AGBL4: variants seen among roughly 807,000 people sequenced by gnomAD.
AGBL4 encodes cytosolic carboxypeptidase 6.
AGBL4 carries 58 observed loss-of-function variants against 66.4 expected under a neutral mutation model. The ratio of observed to expected loss-of-function variants is 0.87; its 90% CI spans 0.71 to 1.09. The LOEUF (loss-of-function observed/expected upper bound fraction) is 1.09. Among genes scored for constraint, AGBL4 ranks in the 50% least tolerant of loss-of-function variants. The pLI, the probability that AGBL4 is intolerant of heterozygous loss-of-function variation, is 0.00. For missense variants in AGBL4, 579 were observed against 631.0 expected (o/e 0.92, Z 0.88); for synonymous variants, 234 against 222.9 (o/e 1.05, Z -0.44).
At chr1:49,210,487 A>G (rs1025950598) in intron 4 of AGBL4, among the ~76,000 whole-genome samples, 1 of 152,096 alleles carries the variant, frequency 6.6e-6, no homozygotes, top group African/African-American at 2.4e-5. Context: ...TAGCAGCACA[A>G]TATGAACACT....
At chr1:49,817,953 G>A (rs1433927185) in intron 2 of AGBL4, among the ~76,000 whole-genome samples, 1 of 152,124 alleles carries the variant, frequency 6.6e-6, no homozygotes, top group African/African-American at 2.4e-5. Flanking sequence ...TTGTGCATGT[G>A]CCATTCATTA....
chr1:49,434,647 A>C (rs1189663091), intron 3 of AGBL4, among the ~76,000 whole-genome samples: 12 of 151,122 alleles, frequency 7.9e-5, no homozygotes. Flanking sequence ...GCAAATTGCT[A>C]TCTGTTCTTG....
intron 1 of AGBL4, among the ~76,000 whole-genome samples, chr1:49,939,781 A>G: frequency 6.6e-6 from 1 of 152,248 alleles, no homozygotes; most frequent in East Asian, 1.9e-4. Flanking sequence ...CATTCAGGAC[A>G]TAGGCATGGG....
chr1:49,358,807 T>G (rs1489089655), intron 3 of AGBL4, among the ~76,000 whole-genome samples: 2 of 152,154 alleles, frequency 1.3e-5, no homozygotes, highest in African/African-American at 4.8e-5. Context: ...AATAGAGCTC[T>G]TAAAAATGAA....
intron 3 of AGBL4, among the ~76,000 whole-genome samples, chr1:49,285,317 A>T (rs1046239230): frequency 6.6e-6 from 1 of 152,186 alleles, no homozygotes; most frequent in Admixed American, 6.5e-5. Context: ...GTTCTTTGAA[A>T]CCAACGAGAA....
At chr1:48,728,391 G>A (rs1397651067) in intron 6 of AGBL4, among the ~76,000 whole-genome samples, 4 of 148,908 alleles carry the variant, frequency 2.7e-5, no homozygotes, top group African/African-American at 7.4e-5. Flanking sequence ...TTTTCTTTTA[G>A]TGTTAACACA....
At chr1:49,184,283 A>G (rs1646978028) in intron 4 of AGBL4, among the ~76,000 whole-genome samples, 1 of 152,150 alleles carries the variant, frequency 6.6e-6, no homozygotes. Context: ...CTCTAAATAC[A>G]GTGCTTCCCC....
chr1:49,340,793 T>C (rs1032114315), intron 3 of AGBL4, among the ~76,000 whole-genome samples: 3 of 152,230 alleles, frequency 2.0e-5, no homozygotes, highest in Non-Finnish European at 2.9e-5. Context: ...ATGTTTACAT[T>C]AATACCAAGT....
intron 4 of AGBL4, among the ~76,000 whole-genome samples, chr1:49,152,819 C>G (rs532470305): frequency 6.6e-6 from 1 of 152,164 alleles, no homozygotes; most frequent in Non-Finnish European, 1.5e-5. Flanking sequence ...AAATTTCACC[C>G]ACACAGGGTT....
Position 49,261,821 on chromosome 1 carries a change from T to C in AGBL4, c.283-15957A>G, listed in dbSNP as rs1370430857. Among the ~76,000 whole-genome samples the C allele has an allele frequency of 3.5e-3, 516 of 148,834 alleles. 1 individual carries two copies. The highest frequency in any genetic ancestry group is 0.011 in the African/African-American group (460 of 40,666). On this transcript the variant is annotated intron_variant, in intron 3 of 13. Transcript: ENST00000371839. ...TTGGAAAAAACTACTTTAAAGTTCA[T>C]ATGGAACCAAAAAAGAGCCCACATC...
chr1:49,888,481 T>C (rs968240691), intron 1 of AGBL4, among the ~76,000 whole-genome samples: 33 of 152,142 alleles, frequency 2.2e-4, no homozygotes, highest in African/African-American at 6.5e-4. Flanking sequence ...GAAAAAACCT[T>C]AGTGACAATA....
chr1:48,812,450 A>G (rs1646073424), intron 6 of AGBL4, among the ~76,000 whole-genome samples: 1 of 152,168 alleles, frequency 6.6e-6, no homozygotes, highest in South Asian at 2.1e-4. Flanking sequence ...TGGCCTAGAC[A>G]AACTCAGTAA....
chr1:48,578,621 T>C (rs960869003), intron 11 of AGBL4, among the ~76,000 whole-genome samples: 17 of 152,326 alleles, frequency 1.1e-4, no homozygotes, highest in Non-Finnish European at 2.2e-4. Context: ...AGAACAAATA[T>C]CTAGGCAGTA....
At chr1:48,784,213 G>A (rs897378066) in intron 6 of AGBL4, among the ~76,000 whole-genome samples, 1 of 152,192 alleles carries the variant, frequency 6.6e-6, no homozygotes, top group Non-Finnish European at 1.5e-5. Context: ...GCCTGACACT[G>A]TGGTGAGTTC....
intron 1 of AGBL4, among the ~76,000 whole-genome samples, chr1:49,968,965 A>G (rs563610079): frequency 7.2e-5 from 11 of 152,366 alleles, no homozygotes; most frequent in African/African-American, 2.6e-4. Flanking sequence ...GTTTTCTGCC[A>G]TATACAGCCA....
At chr1:48,981,259 C>CTCTGATTTCTTCTTATCTATT (rs1659742238) in intron 5 of AGBL4, among the ~76,000 whole-genome samples, 1 of 152,190 alleles carries the variant, frequency 6.6e-6, no homozygotes, top group Non-Finnish European at 1.5e-5. Flanking sequence ...TCTGAGTTAA[C>CTCTGATTTCTTCTTATCTATT]TCTGATTTCT....
intron 3 of AGBL4, among the ~76,000 whole-genome samples, chr1:49,419,111 AT>A (rs1003804020): frequency 2.6e-5 from 4 of 152,204 alleles, no homozygotes; most frequent in African/African-American, 9.6e-5. Flanking sequence ...ATAAGTAAAT[AT>A]TCTTCTTTAC....
At chr1:49,214,658 T>TC (rs896661792) in intron 4 of AGBL4, among the ~76,000 whole-genome samples, 1 of 152,066 alleles carries the variant, frequency 6.6e-6, no homozygotes, top group African/African-American at 2.4e-5. Flanking sequence ...TTGCTTAGGT[T>TC]CCCCCACTTA....
At chr1:49,730,480 T>G (rs1649355285) in intron 2 of AGBL4, among the ~76,000 whole-genome samples, 1 of 152,020 alleles carries the variant, frequency 6.6e-6, no homozygotes, top group African/African-American at 2.4e-5. Flanking sequence ...CAGCTGCCAG[T>G]CGGGAATGAG....
Sources: gnomAD v4.1 joint callset for allele counts (sites outside exome capture counted in the v4.1 genomes callset) on GRCh38, gnomAD v4.1.1 for gene constraint, MANE v1.5 for transcripts, NCBI Gene and HGNC (gene_info 2026-07-23, HGNC 2026-07-21) for gene names.